USP54: variants seen among roughly 807,000 people sequenced by gnomAD.
USP54 encodes ubiquitin specific peptidase 54.
A neutral mutation model predicts 170.5 loss-of-function variants in USP54; 87 were observed. The ratio of observed to expected loss-of-function variants is 0.51; its 90% CI spans 0.43 to 0.61. USP54 has a LOEUF of 0.61. Among genes scored for constraint, USP54 ranks in the 20% least tolerant of loss-of-function variants. The pLI, the probability that USP54 is intolerant of heterozygous loss-of-function variation, is 0.00. For missense variants in USP54, 1,786 were observed against 2,047.8 expected (o/e 0.87, Z 2.47); for synonymous variants, 655 against 742.8 (o/e 0.88, Z 1.92).
intron 1 of USP54, chr10:73,606,254 C>T (rs938402914): frequency 6.7e-6 from 1 of 148,542 alleles, no homozygotes; most frequent in Non-Finnish European, 1.5e-5. Flanking sequence ...TGCAACACTA[C>T]TGAACTGTAC....
At chr10:73,605,264 C>T (rs1278402982) in intron 1 of USP54, among the ~76,000 whole-genome samples, 2 of 152,146 alleles carry the variant, frequency 1.3e-5, no homozygotes, top group Non-Finnish European at 2.9e-5. Flanking sequence ...CGGGGTTTTA[C>T]CATGTTAGGC....
chr10:73,618,816 G>A (rs1314462036), intron 1 of USP54, among the ~76,000 whole-genome samples: 4 of 149,846 alleles, frequency 2.7e-5, no homozygotes, highest in Non-Finnish European at 5.9e-5. Flanking sequence ...GGAGGCTGAG[G>A]CAGGAGAATT....
intron 20 of USP54, chr10:73,506,488 A>C (rs963335199): frequency 6.6e-6 from 1 of 152,174 alleles, no homozygotes; most frequent in Non-Finnish European, 1.5e-5. Context: ...CATTTGATAC[A>C]TATGTCCATG....
chr10:73,548,169 AACC>A (rs1443925827), intron 4 of USP54, among the ~76,000 whole-genome samples: 1 of 152,202 alleles, frequency 6.6e-6, no homozygotes, highest in Non-Finnish European at 1.5e-5. Flanking sequence ...TGCAAATCAA[AACC>A]ACAATGAGAT....
chr10:73,609,349 C>T (rs953942507), intron 1 of USP54, among the ~76,000 whole-genome samples: 3 of 152,142 alleles, frequency 2.0e-5, no homozygotes, highest in Admixed American at 6.6e-5. Context: ...AAGCTCAGCC[C>T]GGGTCAGAAA....
rs1444732038 is a variant in USP54 at position 73,528,672 on chromosome 10, C to T, written c.2060+1008G>A. On this transcript the variant is annotated intron_variant, in intron 15 of 23. Coordinates refer to ENST00000687698, the MANE Select transcript of USP54 (RefSeq NM_001391956.1). ...ACCACCTCCACCTCCTGGATTCCAGCGATTCTCCTGCCTTAGCCTCCCAAG... is the reference window on the plus strand; with the variant it reads ...ACCACCTCCACCTCCTGGATTCCAGTGATTCTCCTGCCTTAGCCTCCCAAG... Among the ~76,000 whole-genome samples, 3 of 151,486 alleles carry T rather than the reference C, an allele frequency of 2.0e-5. No individual in the cohort carries two copies. In the South Asian group the frequency reaches 6.3e-4, roughly 32 times the overall value.
At chr10:73,586,678 G>A (rs1241816448) in intron 1 of USP54, among the ~76,000 whole-genome samples, 2 of 152,162 alleles carry the variant, frequency 1.3e-5, no homozygotes, top group Admixed American at 6.5e-5. Context: ...AGATACTGCT[G>A]ACAACTTTTT....
At chr10:73,556,293 G>T (rs2070984631) in intron 4 of USP54, among the ~76,000 whole-genome samples, 1 of 151,220 alleles carries the variant, frequency 6.6e-6, no homozygotes, top group Non-Finnish European at 1.5e-5. Context: ...TCTACAATCT[G>T]CAAAAGAAAG....
chr10:73,619,541 AAAAAAAGAAAG>A (rs1382407501), intron 1 of USP54, among the ~76,000 whole-genome samples: 2 of 150,046 alleles, frequency 1.3e-5, no homozygotes, highest in Non-Finnish European at 2.9e-5. Context: ...TCAAAAAAAA[AAAAAAAGAAAG>A]AAAAAAGAAA....
chr10:73,515,999 G>C (rs2061012849), intron 20 of USP54: 1 of 166,080 alleles, frequency 6.0e-6, no homozygotes, highest in African/African-American at 2.4e-5. Context: ...GGCCAGGATG[G>C]TCTCGATCTC....
chr10:73,530,575 A>G, intron 13 of USP54, 52 bp from the exon 14 acceptor site: 3 of 1,569,058 alleles, frequency 1.9e-6, no homozygotes, highest in South Asian at 1.2e-5. Flanking sequence ...GATCATGGAT[A>G]CTAGACCCCA....
chr10:73,543,178 C>T, intron 5 of USP54, 47 bp from the exon 6 acceptor site: 1 of 1,323,626 alleles, frequency 7.6e-7, no homozygotes, highest in Non-Finnish European at 1.1e-6. Context: ...ATTTAATAGA[C>T]AAATACATAA....
intron 1 of USP54, chr10:73,611,582 G>A (rs1427307552): frequency 6.6e-6 from 1 of 150,618 alleles, no homozygotes; most frequent in African/African-American, 2.4e-5. Flanking sequence ...CTTGACATCA[G>A]GAGTTCGAGA....
chr10:73,505,524 T>A, intron 20 of USP54, 98 bp from the exon 21 acceptor site: 1 of 890,634 alleles, frequency 1.1e-6, no homozygotes, highest in Non-Finnish European at 1.7e-6. Flanking sequence ...TTGTTTCATT[T>A]AATAATAAAT....
chr10:73,575,671 T>G lies in USP54; in HGVS notation c.-13A>C, dbSNP rs1448033400. ...TCTTCCAAGACATTATTGTTCACAT[T>G]TAGCCTGAAAAAAAAATGGAGAAGG... is the stretch of plus-strand genomic sequence containing the variant. On this transcript the variant is annotated 5_prime_UTR_variant, in exon 3 of 24. Transcript: ENST00000687698. The G allele has an allele frequency of 6.4e-7, 1 of 1,565,168 alleles. No homozygotes were observed. Among genetic ancestry groups the G allele is most frequent in the Non-Finnish European group, 8.7e-7 (1 of 1,153,722 alleles).
chr10:73,514,202 C>T (rs2060678168), intron 20 of USP54, among the ~76,000 whole-genome samples: 1 of 152,154 alleles, frequency 6.6e-6, no homozygotes, highest in African/African-American at 2.4e-5. Context: ...ATGATCCGCC[C>T]ACCTCCGCCT....
At chr10:73,612,281 A>G (rs1447147194) in intron 1 of USP54, among the ~76,000 whole-genome samples, 2 of 152,162 alleles carry the variant, frequency 1.3e-5, no homozygotes, top group Non-Finnish European at 2.9e-5. Flanking sequence ...ATGGCACATA[A>G]CTGTAAAAAA....
intron 4 of USP54, among the ~76,000 whole-genome samples, chr10:73,557,655 T>G (rs2071492263): frequency 6.6e-6 from 1 of 151,666 alleles, no homozygotes; most frequent in East Asian, 1.9e-4. Context: ...CCAGCTAATT[T>G]TTGTATTTTT....
At chr10:73,521,069 C>A in intron 17 of USP54, 42 bp from the exon 18 acceptor site, 1 of 1,609,692 alleles carries the variant, frequency 6.2e-7, no homozygotes, top group Non-Finnish European at 8.5e-7. Flanking sequence ...CAATTCATTC[C>A]AAATTTTCCT....
Sources: allele counts gnomAD v4.1 joint callset (sites outside exome capture counted in the v4.1 genomes callset), GRCh38; gene constraint gnomAD v4.1.1; transcripts MANE v1.5; gene names NCBI Gene and HGNC (gene_info 2026-07-23, HGNC 2026-07-21).